Variants in RUFY4 observed in about 807,000 individuals in gnomAD.
RUFY4 encodes RUN and FYVE domain containing 4, also known as RUN and FYVE domain-containing protein 4.
RUFY4 carries 73 observed loss-of-function variants against 69.0 expected under a neutral mutation model. The observed-to-expected ratio is 1.06, with a 90% CI of 0.88 to 1.29. The LOEUF (loss-of-function observed/expected upper bound fraction) is 1.29. Among genes scored for constraint, RUFY4 ranks in the 50% most tolerant of loss-of-function variants. RUFY4 has a pLI of 0.00. For synonymous variants in RUFY4, 287 were observed against 271.8 expected, an observed-to-expected ratio of 1.06 and a Z score of -0.55; for missense variants, 770 against 705.6, an observed-to-expected ratio of 1.09 and a Z score of -1.03.
At chr2:218,062,888 G>A (rs994385262) in intron 3 of RUFY4, among the ~76,000 whole-genome samples, 14 of 152,298 alleles carry the variant, frequency 9.2e-5, no homozygotes, top group African/African-American at 2.2e-4. Context: ...AAGAGGGAAC[G>A]GCGGCAGGAA....
intron 2 of RUFY4, among the ~76,000 whole-genome samples, chr2:218,038,536 G>A (rs1449058826): frequency 6.6e-6 from 1 of 152,188 alleles, no homozygotes; most frequent in Non-Finnish European, 1.5e-5. Context: ...CACTTCAGCA[G>A]ACATGGCCAA....
intron 3 of RUFY4, chr2:218,060,607 A>G (rs768712276): frequency 4.5e-6 from 6 of 1,346,868 alleles, no homozygotes; most frequent in South Asian, 1.2e-5. Context: ...GGTGTCTGCC[A>G]GCAGGACCAG....
intron 3 of RUFY4, among the ~76,000 whole-genome samples, chr2:218,062,227 G>A (rs866879520): frequency 3.3e-5 from 5 of 151,756 alleles, no homozygotes; most frequent in Admixed American, 6.6e-5. Context: ...GTGAAACCCC[G>A]TCTCTACTAA....
intron 2 of RUFY4, among the ~76,000 whole-genome samples, chr2:218,043,918 A>T (rs2106027527): frequency 6.6e-6 from 1 of 152,294 alleles, no homozygotes; most frequent in South Asian, 2.1e-4. Flanking sequence ...TCAGTGCCCA[A>T]AGTCCAGAAG....
At chr2:218,084,987 G>A (rs1052855197) in intron 9 of RUFY4, among the ~76,000 whole-genome samples, 8 of 152,192 alleles carry the variant, frequency 5.3e-5, no homozygotes, top group African/African-American at 1.7e-4. Flanking sequence ...GGCGGAGGTT[G>A]CAGTGAGCCA....
chr2:218,060,249 A>G, intron 3 of RUFY4: 2 of 1,251,690 alleles, frequency 1.6e-6, no homozygotes, highest in South Asian at 1.7e-5. Context: ...ACTGACACTG[A>G]GACCAAGAAG....
Position 218,073,396 on chromosome 2 carries a change from T to C in RUFY4, c.530+10T>C, listed in dbSNP as rs1255290663. 4 of 1,587,852 alleles carry C rather than the reference T, an allele frequency of 2.5e-6. No homozygotes were observed. The highest frequency in any genetic ancestry group is 3.6e-5 in the Admixed American group (2 of 56,114). On this transcript the variant is annotated intron_variant, in intron 5 of 10. Transcript: ENST00000344321. ...GGCCCATGTTCTCAGAGTGAGTGGG[T>C]GCAGCCAGGAGAGAAGTCTCTTTTG...
chr2:218,068,849 C>G (rs983704702), upstream of RUFY4: 1 of 152,554 alleles, frequency 6.6e-6, no homozygotes, highest in African/African-American at 2.4e-5. Flanking sequence ...GAAGGAGGAG[C>G]GTGGTGGGAC....
Position 218,073,391 on chromosome 2 carries a change from G to A in RUFY4, c.530+5G>A. On this transcript the variant is annotated splice_donor_5th_base_variant and intron_variant, in intron 5 of 10. Coordinates refer to ENST00000344321, the Ensembl canonical transcript of RUFY4. Reference sequence around the variant, plus strand: ...AGCCTGGCCCATGTTCTCAGAGTGAGTGGGTGCAGCCAGGAGAGAAGTCTC... The same window carrying A: ...AGCCTGGCCCATGTTCTCAGAGTGAATGGGTGCAGCCAGGAGAGAAGTCTC... The A allele has an allele frequency of 6.3e-7, 1 of 1,590,070 alleles. No individual in the cohort carries two copies. The highest frequency in any genetic ancestry group is 8.6e-7 in the Non-Finnish European group (1 of 1,168,006).
chr2:218,087,147 C>A (rs766937524), intron 9 of RUFY4, among the ~76,000 whole-genome samples: 3 of 151,910 alleles, frequency 2.0e-5, no homozygotes, highest in Non-Finnish European at 4.4e-5. Flanking sequence ...AGAAACAGAA[C>A]ATAAATGCTA....
intron 9 of RUFY4, among the ~76,000 whole-genome samples, chr2:218,086,424 A>T (rs1689895472): frequency 6.6e-6 from 1 of 152,252 alleles, no homozygotes. Flanking sequence ...ACTAAGACAG[A>T]TAAGGAGAAT....
upstream of RUFY4, among the ~76,000 whole-genome samples, chr2:218,066,543 A>T (rs1689336496): frequency 6.6e-6 from 1 of 152,206 alleles, no homozygotes; most frequent in South Asian, 2.1e-4. Flanking sequence ...GCAGGCCAGG[A>T]ATCTCACTTC....
chr2:218,058,443 C>T (rs938381633), intron 2 of RUFY4, among the ~76,000 whole-genome samples: 11 of 152,200 alleles, frequency 7.2e-5, no homozygotes, highest in Non-Finnish European at 1.5e-5. Context: ...TCTCCCTTCC[C>T]CGACCCTTTA....
chr2:218,072,776 C>T lies in RUFY4; in HGVS notation c.280-3C>T. ...CCCCATTCTGCCCCTGTGCACTCTG[C>T]AGTTGAAGACCCCTCTGGGGAAAGG... On this transcript the variant is annotated splice_region_variant and splice_polypyrimidine_tract_variant and intron_variant, in intron 3 of 10. Transcript: ENST00000344321. The T allele has an allele frequency of 1.3e-6, 2 of 1,519,362 alleles. No individual in the cohort carries two copies. Among genetic ancestry groups the T allele is most frequent in the Non-Finnish European group, 1.8e-6 (2 of 1,137,962 alleles). 94.1% of individuals were successfully genotyped at this position (1,519,362 alleles called of 1,614,324 possible).
chr2:218,088,928 C>CCT (rs145146030), intron 9 of RUFY4, among the ~76,000 whole-genome samples: 5,464 of 147,674 alleles, frequency 0.037, 363 homozygotes, highest in African/African-American at 0.13. Context: ...TCTCTCCAAT[C>CCT]CTCTCTCTCT....
intron 2 of RUFY4, among the ~76,000 whole-genome samples, chr2:218,048,405 A>G (rs1688877112): frequency 6.6e-6 from 1 of 152,188 alleles, no homozygotes; most frequent in Non-Finnish European, 1.5e-5. Context: ...CCCTGTTGAT[A>G]GTTTCATTTG....
At chr2:218,053,522 T>A (rs79605052) in intron 2 of RUFY4, among the ~76,000 whole-genome samples, 3 of 151,998 alleles carry the variant, frequency 2.0e-5, no homozygotes, top group Admixed American at 1.3e-4. Context: ...ATTTTTTTTT[T>A]ATTTTGAAAC....
At chr2:218,056,219 G>T (rs1689059866) in intron 2 of RUFY4, among the ~76,000 whole-genome samples, 1 of 150,218 alleles carries the variant, frequency 6.7e-6, no homozygotes, top group Admixed American at 6.6e-5. Context: ...TTATATTGTT[G>T]CTGGTTGTTG....
At chr2:218,073,681 A>C (rs893380309) in intron 5 of RUFY4, 135 bp from the exon 8 acceptor site, 18 of 934,526 alleles carry the variant, frequency 1.9e-5, no homozygotes, top group Non-Finnish European at 2.9e-5. Context: ...GATGGGATGC[A>C]TGAGGGTGGG....
Sources: allele counts gnomAD v4.1 joint callset (sites outside exome capture counted in the v4.1 genomes callset), GRCh38; gene constraint gnomAD v4.1.1; transcripts MANE v1.5; gene names NCBI Gene and HGNC (gene_info 2026-07-23, HGNC 2026-07-21).